Variants in USP40 observed in about 807,000 individuals in gnomAD.
USP40 encodes ubiquitin specific peptidase 40.
In USP40, 143 loss-of-function variants were observed where a neutral mutation model predicts 166.2. That is an observed-to-expected ratio of 0.86 (90% confidence interval 0.75 to 0.99). The LOEUF is 0.99. Among genes scored for constraint, USP40 ranks in the 50% least tolerant of loss-of-function variants. The pLI is 0.00. For synonymous variants in USP40, 498 were observed against 524.0 expected, an observed-to-expected ratio of 0.95 and a Z score of 0.68; for missense variants, 1,444 against 1,479.7, an observed-to-expected ratio of 0.98 and a Z score of 0.40.
chr2:233,547,005 C>G (rs1481673982), intron 8 of USP40: 1 of 152,170 alleles, frequency 6.6e-6, no homozygotes, highest in African/African-American at 2.4e-5. Flanking sequence ...AAATGTGACA[C>G]AAGCATTTGA....
At chr2:233,555,789 T>G (rs2071024455) in intron 5 of USP40, among the ~76,000 whole-genome samples, 1 of 151,858 alleles carries the variant, frequency 6.6e-6, no homozygotes, top group Non-Finnish European at 1.5e-5. Flanking sequence ...TATACACATC[T>G]ATTTTCAAGA....
chr2:233,533,339 T>C (rs553913240), intron 11 of USP40, 140 bp downstream of exon 11: 3 of 818,230 alleles, frequency 3.7e-6, no homozygotes, highest in South Asian at 4.0e-5. Context: ...TGGCATAATA[T>C]AGTTCTTGTT....
chr2:233,519,682 GAAAT>G lies in USP40; in HGVS notation c.2326-15_2326-12del, dbSNP rs773233717. 44 of 1,362,704 alleles carry G rather than the reference GAAAT, an allele frequency of 3.2e-5. No homozygotes were observed. The East Asian group carries it at 7.3e-4, about 22-fold the overall frequency. 84.4% of individuals were successfully genotyped at this position (1,362,704 alleles called of 1,614,324 possible). A position where few individuals can be genotyped will look rare whatever the true frequency, so the allele number is the denominator to read the frequency against. On this transcript the variant is annotated splice_polypyrimidine_tract_variant and intron_variant, in intron 17 of 31. Coordinates refer to ENST00000678225, the MANE Select transcript of USP40 (RefSeq NM_001365479.2). ...AATATCAAACACCATCTAAAACAGA[GAAAT>G]AAAATAATGACTAAGTTGTAAAAAA...
chr2:233,533,386 C>CT, intron 11 of USP40, 93 bp downstream of exon 11: 7 of 1,334,300 alleles, frequency 5.2e-6, no homozygotes, highest in Non-Finnish European at 6.1e-6. Context: ...AAGAGTAAAC[C>CT]TTTTTTTAAA....
At chr2:233,566,464 C>G (rs1045528662) in intron 1 of USP40, among the ~76,000 whole-genome samples, 3 of 152,252 alleles carry the variant, frequency 2.0e-5, no homozygotes, top group Non-Finnish European at 4.4e-5. Flanking sequence ...ATTCCCAACT[C>G]CTACGGCCGG....
rs115036353 is a variant in USP40, at chr2:233,478,011, G to A, written c.3600-508C>T. ...ACCGTGCGGCAGGTGCTCTGCGGCC[G>A]GGTGCTTTGGCCCAGCCTGATGTGT... On this transcript the variant is annotated intron_variant, in intron 31 of 31. Transcript: ENST00000678225. Among the ~76,000 whole-genome samples the A allele has an allele frequency of 6.9e-3, 1,053 of 152,332 alleles. 10 individuals carry two copies. The highest frequency in any genetic ancestry group is 0.024 in the African/African-American group (981 of 41,586).
intron 5 of USP40, 129 bp downstream of exon 5, chr2:233,556,726 A>G: frequency 1.2e-6 from 1 of 857,234 alleles, no homozygotes; most frequent in Non-Finnish European, 1.6e-6. Context: ...TAGTTAGAAG[A>G]AAAAAAAACT....
chr2:233,535,599 C>G (rs1013681711), intron 10 of USP40, among the ~76,000 whole-genome samples: 10 of 152,096 alleles, frequency 6.6e-5, no homozygotes, highest in Non-Finnish European at 1.3e-4. Flanking sequence ...CACCCTAAAG[C>G]CCAAAATTTA....
chr2:233,489,502 A>G lies in USP40; in HGVS notation c.3013-19T>C, dbSNP rs775260268. 6.4e-6 allele frequency: 10 copies of G among 1,563,024 alleles called. No homozygotes were observed. The highest frequency in any genetic ancestry group is 2.3e-5 in the East Asian group (1 of 43,204). On this transcript the variant is annotated intron_variant, in intron 26 of 31. Transcript: ENST00000678225. ...TCATGGCCTAGAAAAAGAAACAGAC[A>G]TTTCTCCAACGGTTTTAAAAAGCAC...
At chr2:233,527,208 G>A (rs2068089192) in intron 13 of USP40, among the ~76,000 whole-genome samples, 199 bp downstream of exon 13, 1 of 152,150 alleles carries the variant, frequency 6.6e-6, no homozygotes, top group South Asian at 2.1e-4. Flanking sequence ...CTGAAAAGCT[G>A]CTGGTAGGAG....
chr2:233,543,488 C>A (rs545789166), intron 8 of USP40, among the ~76,000 whole-genome samples: 30 of 152,272 alleles, frequency 2.0e-4, no homozygotes, highest in African/African-American at 6.7e-4. Context: ...TAGGTTCCCC[C>A]AAAATTCATA....
chr2:233,535,108 A>T (rs1331144679), intron 10 of USP40, among the ~76,000 whole-genome samples: 3 of 152,188 alleles, frequency 2.0e-5, no homozygotes, highest in African/African-American at 7.2e-5. Flanking sequence ...TCTTACTGGG[A>T]TGAGGGGACA....
In USP40 at chr2:233,493,018, T is replaced by C. The variant is rs137940905; in HGVS notation, c.2917+407A>G. The stretch of plus-strand genomic sequence containing the variant: ...TCCTGAGGGTTTTGAGGCAGAAAGA[T>C]TGGAAGACATGTAGGATGTGGACTC... On this transcript the variant is annotated intron_variant, in intron 25 of 31. Transcript: ENST00000678225. This position sits in a 1 kb window ranked among gnomAD's most constrained non-coding sequence, Gnocchi z 4.7. 6.1e-5 allele frequency: 13 copies of C among 212,134 alleles called. No individual in the cohort carries two copies. Among genetic ancestry groups the C allele is most frequent in the African/African-American group, 1.4e-4 (6 of 43,700 alleles). 13.1% of individuals were successfully genotyped at this position (212,134 alleles called of 1,614,324 possible).
rs748886817 is a variant in USP40 at position 233,498,535 on chromosome 2, GA to G, written c.2715+12del. 1 of 1,610,152 alleles carries G rather than the reference GA, an allele frequency of 6.2e-7. No homozygotes were observed. The highest frequency in any genetic ancestry group is 2.2e-5 in the East Asian group (1 of 44,846). ...TAATCATACGAAAGTACAATGTATA[GA>G]AATCATCTTACTTCTTCACATAAAG... On this transcript the variant is annotated intron_variant, in intron 23 of 31. Transcript: ENST00000678225.
intron 21 of USP40, among the ~76,000 whole-genome samples, chr2:233,502,368 T>C (rs1417723176): frequency 6.6e-6 from 1 of 152,068 alleles, no homozygotes; most frequent in Admixed American, 6.5e-5. Flanking sequence ...ACTGGAAGTG[T>C]TGGATTTAAA....
intron 28 of USP40, 21 bp from the exon 29 acceptor site, chr2:233,485,998 G>A: frequency 1.3e-6 from 2 of 1,550,162 alleles, no homozygotes; most frequent in Non-Finnish European, 1.7e-6. Flanking sequence ...AAACCGTCAA[G>A]CGCCAGATCC....
chr2:233,566,378 T>C (rs1463015501), intron 1 of USP40, among the ~76,000 whole-genome samples: 2 of 152,130 alleles, frequency 1.3e-5, no homozygotes, highest in African/African-American at 4.8e-5. Flanking sequence ...ATGCAATTAT[T>C]TTTCTTTTCC....
intron 10 of USP40, among the ~76,000 whole-genome samples, chr2:233,539,339 G>A (rs1226378420): frequency 6.6e-6 from 1 of 152,002 alleles, no homozygotes; most frequent in Non-Finnish European, 1.5e-5. Flanking sequence ...AGAACATTGA[G>A]CAGGATAGAC....
intron 1 of USP40, among the ~76,000 whole-genome samples, chr2:233,565,930 A>C (rs532736968): frequency 6.6e-6 from 1 of 152,246 alleles, no homozygotes; most frequent in South Asian, 2.1e-4. Flanking sequence ...CGTTCACATC[A>C]CTAATTTTTT....
Sources: gnomAD v4.1 joint callset for allele counts (sites outside exome capture counted in the v4.1 genomes callset) on GRCh38, gnomAD v4.1.1 for gene constraint, Gnocchi (gnomAD v3.1) non-coding constraint, MANE v1.5 for transcripts, NCBI Gene and HGNC (gene_info 2026-07-23, HGNC 2026-07-21) for gene names.